PLCG2: variants seen among roughly 807,000 people sequenced by gnomAD.
PLCG2 encodes 1-phosphatidylinositol 4,5-bisphosphate phosphodiesterase gamma-2.
PLCG2 carries 69 observed loss-of-function variants against 175.6 expected under a neutral mutation model. That is an observed-to-expected ratio of 0.39 (90% CI 0.32 to 0.48). The LOEUF (loss-of-function observed/expected upper bound fraction) is 0.48, where lower values mean the gene tolerates loss of function less well. PLCG2 is among the 20% of genes least tolerant of loss of function. PLCG2 has a pLI of 0.91. For synonymous variants in PLCG2, 827 were observed against 624.0 expected, an observed-to-expected ratio of 1.33 and a Z score of -4.85; for missense variants, 1,798 against 1,650.9, an observed-to-expected ratio of 1.09 and a Z score of -1.54.
chr16:81,854,331 G>T (rs771136965), intron 2 of PLCG2, 113 bp from the exon 3 acceptor site: 189 of 917,376 alleles, frequency 2.1e-4, no homozygotes, highest in Non-Finnish European at 3.0e-4. Flanking sequence ...AGCTTTGCGG[G>T]ATCCTGTTGG....
rs145257566 is a variant in PLCG2 at position 81,862,215 on chromosome 16, G to A, written c.479+3052G>A. ...CAGAGGCAGAGGAAAGACTGAAGGC[G>A]AGAGGGGGCAGGCTCAGGGCTGGCC... On this transcript the variant is annotated intron_variant, in intron 5 of 32. Transcript: ENST00000564138. 4.3e-3 allele frequency among the ~76,000 whole-genome samples: 651 copies of A among 152,376 alleles called. 6 individuals are homozygous for A. The highest frequency in any genetic ancestry group is 0.014 in the African/African-American group (600 of 41,588).
At chr16:81,862,975 A>T (rs1287281662) in intron 5 of PLCG2, among the ~76,000 whole-genome samples, 1 of 152,222 alleles carries the variant, frequency 6.6e-6, no homozygotes, top group Non-Finnish European at 1.5e-5. Flanking sequence ...CCCCACCCTG[A>T]CCAATCACCT....
At chr16:81,858,194 G>A in intron 3 of PLCG2, 69 bp from the exon 4 acceptor site, 1 of 1,087,814 alleles carries the variant, frequency 9.2e-7, no homozygotes, top group South Asian at 1.2e-5. Flanking sequence ...TCTGTATGGG[G>A]CAGGGCTTTG....
chr16:81,924,053 A>T (rs1386880785), intron 22 of PLCG2, among the ~76,000 whole-genome samples: 1 of 152,230 alleles, frequency 6.6e-6, no homozygotes, highest in Non-Finnish European at 1.5e-5. Flanking sequence ...TTCCAATTCA[A>T]ATTCGTATGC....
Position 81,746,393 on chromosome 16 carries a change from A to C in PLCG2, c.-145+7008A>C, listed in dbSNP as rs538964679. On this transcript the variant is annotated intron_variant, in intron 1 of 5. Coordinates refer to the PLCG2 transcript ENST00000565054. Reference sequence around the variant, plus strand: ...AACGGAAGCATGGCCGCAGCGGTGAACGCACTGCATTCTGGGAAATGTAGT... The same window carrying C: ...AACGGAAGCATGGCCGCAGCGGTGACCGCACTGCATTCTGGGAAATGTAGT... Among the ~76,000 whole-genome samples, 42 of 152,284 alleles carry C rather than the reference A, an allele frequency of 2.8e-4. No individual in the cohort carries two copies. In the South Asian group the frequency reaches 7.7e-3, roughly 28 times the overall value.
intron 2 of PLCG2, among the ~76,000 whole-genome samples, chr16:81,816,124 A>C (rs534658079): frequency 6.6e-6 from 1 of 151,322 alleles, no homozygotes. Flanking sequence ...TAATCCCAGC[A>C]CTTTGGGAGG....
At chr16:81,869,373 C>T (rs2143527602) in intron 6 of PLCG2, 75 bp downstream of exon 6, 2 of 1,028,028 alleles carry the variant, frequency 1.9e-6, no homozygotes. Context: ...CCGTGGCTTG[C>T]CTTTGAGTTC....
intron 1 of PLCG2, chr16:81,739,735 G>A (rs561447170): frequency 1.3e-5 from 2 of 152,408 alleles, no homozygotes; most frequent in South Asian, 4.1e-4. Flanking sequence ...CTTGGGCAAG[G>A]TACTTAAACA....
intron 24 of PLCG2, among the ~76,000 whole-genome samples, chr16:81,929,106 A>G (rs1303149556): frequency 6.6e-6 from 1 of 152,104 alleles, no homozygotes; most frequent in Admixed American, 6.5e-5. Context: ...CAGCCCGCCC[A>G]CGTTGACCAT....
intron 1 of PLCG2, chr16:81,740,640 A>G (rs1480656081): frequency 1.4e-5 from 2 of 142,992 alleles, no homozygotes; most frequent in African/African-American, 2.5e-5. Flanking sequence ...AGGCTGAGGC[A>G]GGAGAACTTG....
rs548067252 is a variant in PLCG2, at chr16:81,748,403, TA to T, written c.-144-7454del. Among the ~76,000 whole-genome samples, 680 of 138,974 alleles carry T rather than the reference TA, an allele frequency of 4.9e-3. 5 individuals are homozygous for T. Among genetic ancestry groups the T allele is most frequent in the African/African-American group, 9.7e-3 (368 of 37,870 alleles). The allele number at this position is 138,974 out of a possible 152,430, so 91.2% of individuals were successfully genotyped here. A position where few individuals can be genotyped will look rare whatever the true frequency, so the allele number is the denominator to read the frequency against. Reference sequence around the variant, plus strand: ...AGACTTTGTCTCAAACTTAAAAAATTAAAAAAAAAAAAATGAAAAAAGAAAG... The same window carrying T: ...AGACTTTGTCTCAAACTTAAAAAATTAAAAAAAAAAAATGAAAAAAGAAAG... On this transcript the variant is annotated intron_variant, in intron 1 of 5. Coordinates refer to the PLCG2 transcript ENST00000565054.
Position 81,919,398 on chromosome 16 carries a change from G to C in PLCG2, c.2055-86G>C. The C allele has an allele frequency of 2.0e-6, 2 of 998,982 alleles. 1 individual carries two copies. The highest frequency in any genetic ancestry group is 3.1e-6 in the Non-Finnish European group (2 of 640,100). The allele number at this position is 998,982 out of a possible 1,614,324, so 61.9% of individuals were successfully genotyped here. On this transcript the variant is annotated intron_variant, in intron 19 of 32. Transcript: ENST00000564138. ...CCACTTCTCTAAGGCTGGATAACTAGGTTGTATCTAATCAGTAGGGTTTGT... is the reference window on the plus strand; with the variant it reads ...CCACTTCTCTAAGGCTGGATAACTACGTTGTATCTAATCAGTAGGGTTTGT...
chr16:81,847,430 T>A (rs980952963), intron 2 of PLCG2, among the ~76,000 whole-genome samples: 2 of 152,066 alleles, frequency 1.3e-5, no homozygotes, highest in East Asian at 1.9e-4. Flanking sequence ...TTCCTGGACG[T>A]TGGGGGTAGG....
chr16:81,951,341 AG>A (rs2143767883), intron 31 of PLCG2, among the ~76,000 whole-genome samples: 1 of 152,378 alleles, frequency 6.6e-6, no homozygotes, highest in African/African-American at 2.4e-5. Context: ...AATACTGGAA[AG>A]GAGACTGAAC....
At chr16:81,745,699 A>G (rs975739647) in intron 1 of PLCG2, among the ~76,000 whole-genome samples, 1 of 152,212 alleles carries the variant, frequency 6.6e-6, no homozygotes, top group Non-Finnish European at 1.5e-5. Context: ...TAGAATGCCA[A>G]TGTTTCGCAT....
chr16:81,759,848 C>T (rs1280642809), intron 2 of PLCG2, among the ~76,000 whole-genome samples: 1 of 152,208 alleles, frequency 6.6e-6, no homozygotes, highest in South Asian at 2.1e-4. Flanking sequence ...CAATGTAGGC[C>T]GGGCGTGGTG....
chr16:81,851,809 C>G (rs142099020), intron 2 of PLCG2, among the ~76,000 whole-genome samples: 2 of 152,276 alleles, frequency 1.3e-5, no homozygotes, highest in East Asian at 3.9e-4. Context: ...CACCAGTGCC[C>G]GGCTTGTTTT....
In PLCG2 at chr16:81,959,831, G is replaced by A. The variant is rs1911715774; in HGVS notation, c.*1833G>A. On this transcript the variant is annotated 3_prime_UTR_variant, in exon 33 of 33. Transcript: ENST00000564138. ...CCCCAACCCCTCTCAGCTCTGTTAGGACTTCCACACAGCAGAGCTCAGGTG... is the reference window on the plus strand; with the variant it reads ...CCCCAACCCCTCTCAGCTCTGTTAGAACTTCCACACAGCAGAGCTCAGGTG... 5.4e-6 allele frequency: 1 copy of A among 186,534 alleles called. No homozygotes were observed. The highest frequency in any genetic ancestry group is 1.1e-5 in the Non-Finnish European group (1 of 88,398). The allele number at this position is 186,534 out of a possible 1,614,324, so 11.6% of individuals were successfully genotyped here.
chr16:81,827,881 G>A (rs529013744), intron 2 of PLCG2, among the ~76,000 whole-genome samples: 2 of 151,870 alleles, frequency 1.3e-5, no homozygotes, highest in African/African-American at 4.8e-5. Context: ...ACCTGAGGTC[G>A]GGAGTTCAAG....
Sources: gnomAD v4.1 joint callset for allele counts (sites outside exome capture counted in the v4.1 genomes callset) on GRCh38, gnomAD v4.1.1 for gene constraint, MANE v1.5 for transcripts, NCBI Gene and HGNC (gene_info 2026-07-23, HGNC 2026-07-21) for gene names.